The following TRAPPC9 variants were observed in gnomAD, a reference collection of about 807,000 sequenced individuals.
TRAPPC9 encodes trafficking protein particle complex subunit 9.
Under a neutral mutation model 124.0 loss-of-function variants are expected in TRAPPC9, and 83 were observed. That is an observed-to-expected ratio of 0.67 (90% CI 0.56 to 0.80). TRAPPC9 has a LOEUF of 0.80. Among genes scored for constraint, TRAPPC9 ranks in the 30% least tolerant of loss-of-function variants. The pLI is 0.00. For missense variants in TRAPPC9, 1,302 were observed against 1,508.3 expected (o/e 0.86, Z 2.27); for synonymous variants, 638 against 617.5 (o/e 1.03, Z -0.49).
intron 5 of TRAPPC9, among the ~76,000 whole-genome samples, chr8:140,415,668 C>T (rs2069900099): frequency 6.6e-6 from 1 of 151,488 alleles, no homozygotes; most frequent in South Asian, 2.1e-4. Flanking sequence ...GCTATAAATA[C>T]TTACATTTTT....
Position 140,435,226 on chromosome 8 carries a change from A to G in TRAPPC9, c.745T>C (p.Leu249=). Residue 249 remains leucine, a synonymous_variant, in exon 4 of 23, where the codon TTG becomes CTG. Transcript: ENST00000438773. The part of the protein sequence containing the change: ...FLWLGAALEG[L]CSASVIYHYP... The stretch of plus-strand genomic sequence containing the variant: ...TGATAGATGACAGAAGCTGAACACA[A>G]TCCTTCCAGGGCAGCTGGGCATTAA... The G allele has an allele frequency of 6.2e-7, 1 of 1,614,198 alleles. No homozygotes were observed. Among genetic ancestry groups the G allele is most frequent in the Non-Finnish European group, 8.5e-7 (1 of 1,180,014 alleles).
chr8:139,913,498 T>A (rs1463358446), intron 19 of TRAPPC9, among the ~76,000 whole-genome samples: 1 of 152,218 alleles, frequency 6.6e-6, no homozygotes, highest in Non-Finnish European at 1.5e-5. Flanking sequence ...CTGCTTTGCT[T>A]AGGCAGGACA....
chr8:140,251,204 A>G (rs1328998248), intron 16 of TRAPPC9, among the ~76,000 whole-genome samples: 1 of 152,240 alleles, frequency 6.6e-6, no homozygotes, highest in African/African-American at 2.4e-5. Context: ...GCCAAGACAT[A>G]GCCCTGGGGT....
At chr8:140,307,563 T>G (rs777072527) in intron 10 of TRAPPC9, among the ~76,000 whole-genome samples, 1 of 152,124 alleles carries the variant, frequency 6.6e-6, no homozygotes, top group Non-Finnish European at 1.5e-5. Flanking sequence ...AAGAAAGATA[T>G]GGCATACACT....
intron 17 of TRAPPC9, among the ~76,000 whole-genome samples, chr8:140,069,551 T>TTGAC (rs1843038540): frequency 1.6e-4 from 2 of 12,452 alleles, no homozygotes; most frequent in Non-Finnish European, 2.7e-4. Flanking sequence ...TTAGACAACT[T>TTGAC]TGTGGCCTGC....
chr8:140,424,189 C>G (rs1037560172), intron 5 of TRAPPC9, among the ~76,000 whole-genome samples: 16 of 151,962 alleles, frequency 1.1e-4, no homozygotes, highest in African/African-American at 2.9e-4. Context: ...AACAGTGTCT[C>G]TCACATAATA....
intron 16 of TRAPPC9, among the ~76,000 whole-genome samples, chr8:140,234,058 G>A (rs1198032754): frequency 6.6e-6 from 1 of 152,144 alleles, no homozygotes; most frequent in Non-Finnish European, 1.5e-5. Context: ...TTAATAATGA[G>A]TCATTGAGAT....
chr8:139,783,016 C>T (rs1821942996), intron 21 of TRAPPC9, among the ~76,000 whole-genome samples: 1 of 151,990 alleles, frequency 6.6e-6, no homozygotes. Context: ...GAAAGTATAA[C>T]ATATCAAAAT....
chr8:139,755,459 C>T (rs71520230), intron 21 of TRAPPC9, among the ~76,000 whole-genome samples: 2 of 40,404 alleles, frequency 4.9e-5, no homozygotes, highest in East Asian at 7.0e-4. Flanking sequence ...GCCAGGGTTT[C>T]GGGATGAGGA....
At chr8:139,965,639 T>G (rs1340486232) in intron 19 of TRAPPC9, among the ~76,000 whole-genome samples, 1 of 79,914 alleles carries the variant, frequency 1.3e-5, no homozygotes, top group African/African-American at 3.4e-5. Flanking sequence ...TGGCTGAGAT[T>G]TTCCATCCCA....
intron 7 of TRAPPC9, among the ~76,000 whole-genome samples, chr8:140,381,855 T>C (rs2068620911): frequency 6.6e-6 from 1 of 152,246 alleles, no homozygotes; most frequent in South Asian, 2.1e-4. Flanking sequence ...ACATTGCTGG[T>C]AGAAATGTAA....
chr8:140,179,600 G>A (rs985503289), intron 17 of TRAPPC9, among the ~76,000 whole-genome samples: 3 of 152,090 alleles, frequency 2.0e-5, no homozygotes, highest in African/African-American at 4.8e-5. Flanking sequence ...TTGGTTGTGA[G>A]TGTCAAAGTC....
intron 21 of TRAPPC9, among the ~76,000 whole-genome samples, chr8:139,827,240 C>A (rs1246951690): frequency 6.6e-6 from 1 of 152,236 alleles, no homozygotes; most frequent in African/African-American, 2.4e-5. Context: ...CTCCCTGTGC[C>A]TGAGGAGGAC....
chr8:140,391,351 T>C (rs1402523867), intron 7 of TRAPPC9, among the ~76,000 whole-genome samples: 1 of 152,240 alleles, frequency 6.6e-6, no homozygotes, highest in Non-Finnish European at 1.5e-5. Context: ...GATTATTTTC[T>C]AGTTTTTCAA....
chr8:139,881,216 C>G (rs904098418), intron 21 of TRAPPC9: 1 of 152,196 alleles, frequency 6.6e-6, no homozygotes, highest in African/African-American at 2.4e-5. Flanking sequence ...GGAGTGGCAG[C>G]AGCTGGACTA....
chr8:139,930,260 G>C (rs910081956), intron 19 of TRAPPC9, among the ~76,000 whole-genome samples: 8 of 152,206 alleles, frequency 5.3e-5, no homozygotes, highest in African/African-American at 9.6e-5. Flanking sequence ...CCTGAGATGG[G>C]AAGGCTTATA....
At chr8:139,988,926 A>T in intron 18 of TRAPPC9, 90 bp from the exon 19 acceptor site, 1 of 892,248 alleles carries the variant, frequency 1.1e-6, no homozygotes, top group South Asian at 1.4e-5. Flanking sequence ...ACTTCCCACC[A>T]CTTAAGAAGG....
intron 21 of TRAPPC9, among the ~76,000 whole-genome samples, chr8:139,882,773 T>A (rs1320278246): frequency 6.6e-6 from 1 of 152,170 alleles, no homozygotes; most frequent in Non-Finnish European, 1.5e-5. Context: ...GAGTAACTTA[T>A]CCAGCAGGCA....
intron 20 of TRAPPC9, among the ~76,000 whole-genome samples, chr8:139,896,353 T>C (rs1830668061): frequency 6.6e-6 from 1 of 152,224 alleles, no homozygotes; most frequent in Admixed American, 6.5e-5. Flanking sequence ...TTCCTATCAT[T>C]ATTGCCACTA....
Sources: allele counts gnomAD v4.1 joint callset (sites outside exome capture counted in the v4.1 genomes callset), GRCh38; gene constraint gnomAD v4.1.1; transcripts MANE v1.5; gene names NCBI Gene and HGNC (gene_info 2026-07-23, HGNC 2026-07-21).